The following SNTA1 variants were observed in gnomAD, a reference collection of about 807,000 sequenced individuals.
SNTA1 encodes syntrophin alpha 1, also known as alpha-1-syntrophin.
Under a neutral mutation model 47.1 loss-of-function variants are expected in SNTA1, and 31 were observed. That is an observed-to-expected ratio of 0.66 (90% CI 0.49 to 0.89). The LOEUF is 0.89. SNTA1 is among the 40% of genes least tolerant of loss of function. SNTA1 has a pLI of 0.00. For missense variants in SNTA1, 575 were observed against 693.0 expected (o/e 0.83, Z 1.91); for synonymous variants, 300 against 313.6 (o/e 0.96, Z 0.46).
At chr20:33,423,474 C>T (rs531471040) in intron 2 of SNTA1, among the ~76,000 whole-genome samples, 1 of 152,210 alleles carries the variant, frequency 6.6e-6, no homozygotes, top group Non-Finnish European at 1.5e-5. Flanking sequence ...AGTGCCCCCA[C>T]CCTCCCCAGC....
At position 33,418,461 on chromosome 20, in the gene SNTA1, C is replaced by G. The variant is rs144621765; in HGVS notation, c.497-538G>C. Reference sequence around the variant, plus strand: ...GATGGGGTCACGCCATGTTGCTGGTCTTGAACTCCTAGACAGTGTATACAA... The same window carrying G: ...GATGGGGTCACGCCATGTTGCTGGTGTTGAACTCCTAGACAGTGTATACAA... On this transcript the variant is annotated intron_variant, in intron 2 of 7. Coordinates refer to ENST00000217381, the MANE Select transcript of SNTA1 (RefSeq NM_003098.3). Among the ~76,000 whole-genome samples, 158 of 152,074 alleles carry G rather than the reference C, an allele frequency of 1.0e-3. 1 individual carries two copies. Among genetic ancestry groups the G allele is most frequent in the Non-Finnish European group, 1.9e-3 (129 of 67,994 alleles).
At chr20:33,437,236 C>A (rs951715909) in intron 2 of SNTA1, among the ~76,000 whole-genome samples, 1 of 151,574 alleles carries the variant, frequency 6.6e-6, no homozygotes, top group African/African-American at 2.4e-5. Context: ...GCACTCCAGC[C>A]TGGGCAACAG....
Position 33,443,391 on chromosome 20 carries a change from A to G in SNTA1, c.230T>C (p.Leu77Pro). 7.2e-7 allele frequency: 1 copy of G among 1,379,830 alleles called. No individual in the cohort carries two copies. Among genetic ancestry groups the G allele is most frequent in the Non-Finnish European group, 9.3e-7 (1 of 1,072,578 alleles). 85.5% of individuals were successfully genotyped at this position (1,379,830 alleles called of 1,614,324 possible). A position where few individuals can be genotyped will look rare whatever the true frequency, so the allele number is the denominator to read the frequency against. The change falls in exon 1 of 8, where the codon CTG becomes CCG. Residue 77 changes from leucine (L) to proline (P), a missense_variant. Coordinates refer to ENST00000217381, the MANE Select transcript of SNTA1 (RefSeq NM_003098.3). ...CCGCTGGAGCAGTAGCGCCTCTGGCAGCTGCGGGGGCCCGGCGCCCGGCTC... is the reference window on the plus strand; with the variant it reads ...CCGCTGGAGCAGTAGCGCCTCTGGCGGCTGCGGGGGCCCGGCGCCCGGCTC... The part of the protein sequence containing the change: ...AAEPGAGPPQ[L>P]PEALLLQRRR...
chr20:33,429,740 A>ATT (rs1990252660), intron 2 of SNTA1, among the ~76,000 whole-genome samples: 2 of 152,150 alleles, frequency 1.3e-5, no homozygotes, highest in African/African-American at 2.4e-5. Context: ...CAGCCTCTGA[A>ATT]AGTGCTGGAA....
chr20:33,409,492 C>T (rs1416365680), intron 6 of SNTA1, among the ~76,000 whole-genome samples: 1 of 152,088 alleles, frequency 6.6e-6, no homozygotes, highest in Admixed American at 6.6e-5. Context: ...AACAGTCTCA[C>T]TCTGTTACCC....
At chr20:33,424,361 C>T (rs532485487) in intron 2 of SNTA1, among the ~76,000 whole-genome samples, 4 of 151,026 alleles carry the variant, frequency 2.6e-5, no homozygotes, top group African/African-American at 4.9e-5. Context: ...TAGTACTTGA[C>T]ATATACCAAG....
At chr20:33,410,008 C>T in intron 6 of SNTA1, 127 bp downstream of exon 6, 1 of 905,746 alleles carries the variant, frequency 1.1e-6, no homozygotes. Context: ...TCAGGTGATC[C>T]ACCCACCTTG....
chr20:33,432,453 A>G (rs1990333280), intron 2 of SNTA1, among the ~76,000 whole-genome samples: 1 of 152,226 alleles, frequency 6.6e-6, no homozygotes, highest in African/African-American at 2.4e-5. Flanking sequence ...GGTCCAAGAT[A>G]TACCCCACTG....
At chr20:33,433,694 G>A (rs1045920659) in intron 2 of SNTA1, among the ~76,000 whole-genome samples, 1 of 152,228 alleles carries the variant, frequency 6.6e-6, no homozygotes, top group South Asian at 2.1e-4. Flanking sequence ...GGCCTTCAAG[G>A]GCCCAGGCTG....
In SNTA1 at chr20:33,443,438, G is replaced by T; in HGVS notation, c.183C>A (p.Pro61=). The T allele has an allele frequency of 7.4e-7, 1 of 1,350,120 alleles. No individual in the cohort carries two copies. The highest frequency in any genetic ancestry group is 9.5e-7 in the Non-Finnish European group (1 of 1,053,592). The allele number at this position is 1,350,120 out of a possible 1,614,324, so 83.6% of individuals were successfully genotyped here. A position where few individuals can be genotyped will look rare whatever the true frequency, so the allele number is the denominator to read the frequency against. ...PEPGAPREQE[P]AQLNGAAEPG... ...GCTCCGCGGCGCCGTTGAGCTGCGC[G>T]GGCTCCTGCTCCCGCGGAGCGCCGG... The change falls in exon 1 of 8, where the codon CCC becomes CCA. Residue 61 remains proline (P), a synonymous_variant. Coordinates refer to ENST00000217381, the MANE Select transcript of SNTA1 (RefSeq NM_003098.3).
In SNTA1 at chr20:33,413,827, G is replaced by C. The variant is rs1231800710; in HGVS notation, c.702-1045C>G. Among the ~76,000 whole-genome samples the C allele has an allele frequency of 2.6e-5, 4 of 152,136 alleles. No homozygotes were observed. The East Asian group carries it at 7.7e-4, about 29-fold the overall frequency. On this transcript the variant is annotated intron_variant, in intron 3 of 7. Coordinates refer to ENST00000217381, the MANE Select transcript of SNTA1 (RefSeq NM_003098.3). ...ATGGTGACACGTGCCTATAGTCCCA[G>C]CTACTTAGAGGCTGAGGCAGGAGAA...
At chr20:33,417,075 C>T (rs1989895506) in intron 3 of SNTA1, among the ~76,000 whole-genome samples, 1 of 151,916 alleles carries the variant, frequency 6.6e-6, no homozygotes, top group Non-Finnish European at 1.5e-5. Context: ...ATCTTTGCAC[C>T]ACTGCACTCC....
At chr20:33,429,534 G>C (rs1484307095) in intron 2 of SNTA1, among the ~76,000 whole-genome samples, 3 of 151,592 alleles carry the variant, frequency 2.0e-5, no homozygotes, top group African/African-American at 7.3e-5. Context: ...GGAGGCTGAG[G>C]CACGAGAATC....
chr20:33,429,802 A>T (rs1344787541), intron 2 of SNTA1, among the ~76,000 whole-genome samples: 1 of 151,984 alleles, frequency 6.6e-6, no homozygotes, highest in Non-Finnish European at 1.5e-5. Context: ...TCACTCTGTC[A>T]CCCAAGTTGG....
chr20:33,412,276 C>A lies in SNTA1; in HGVS notation c.1040+20G>T. On this transcript the variant is annotated intron_variant, in intron 5 of 7. Transcript: ENST00000217381. ...CCTGGCAAGTTCTGGGGGAGACATA[C>A]TGCCCCTGCCTGTGGGTACCTGGTG... is the stretch of plus-strand genomic sequence containing the variant. 1 of 1,605,868 alleles carries A rather than the reference C, an allele frequency of 6.2e-7. No individual in the cohort carries two copies. Among genetic ancestry groups the A allele is most frequent in the South Asian group, 1.1e-5 (1 of 89,910 alleles).
At chr20:33,434,449 C>T (rs1473362817) in intron 2 of SNTA1, among the ~76,000 whole-genome samples, 1 of 152,104 alleles carries the variant, frequency 6.6e-6, no homozygotes, top group Non-Finnish European at 1.5e-5. Flanking sequence ...ACATGAAGGC[C>T]ACATTCTTCT....
chr20:33,427,580 C>T (rs1213591077), intron 2 of SNTA1, among the ~76,000 whole-genome samples: 2 of 152,176 alleles, frequency 1.3e-5, no homozygotes, highest in East Asian at 3.8e-4. Flanking sequence ...CACCTTACCA[C>T]ACCCTTGAGT....
At chr20:33,410,928 ATTAGGCAGACAG>A (rs1989724638) in intron 5 of SNTA1, among the ~76,000 whole-genome samples, 2 of 152,072 alleles carry the variant, frequency 1.3e-5, no homozygotes, top group Non-Finnish European at 2.9e-5. Context: ...GAATCACTTG[ATTAGGCAGACAG>A]TCCAGGACCT....
intron 2 of SNTA1, among the ~76,000 whole-genome samples, chr20:33,436,868 A>C (rs1426229031): frequency 6.6e-6 from 1 of 151,116 alleles, no homozygotes; most frequent in Non-Finnish European, 1.5e-5. Flanking sequence ...CGGAAGGCTA[A>C]GGCAGAAGAA....
Sources: allele counts gnomAD v4.1 joint callset (sites outside exome capture counted in the v4.1 genomes callset), GRCh38; gene constraint gnomAD v4.1.1; transcripts MANE v1.5; gene names NCBI Gene and HGNC (gene_info 2026-07-23, HGNC 2026-07-21).